The following CDC14A variants were observed in gnomAD, a reference collection of about 807,000 sequenced individuals.
CDC14A encodes the protein cell division cycle 14A, also known as dual specificity protein phosphatase CDC14A.
CDC14A carries 53 observed loss-of-function variants against 74.4 expected under a neutral mutation model. The ratio of observed to expected loss-of-function variants is 0.71; its 90% confidence interval spans 0.57 to 0.89. CDC14A has a LOEUF of 0.89. CDC14A is among the 40% of genes least tolerant of loss of function. CDC14A has a pLI of 0.00. For synonymous variants in CDC14A, 247 were observed against 258.4 expected (o/e 0.96, Z 0.43); for missense variants, 646 against 713.7 (o/e 0.91, Z 1.08).
At chr1:100,419,430 A>G (rs957027911) in intron 4 of CDC14A, among the ~76,000 whole-genome samples, 1 of 152,228 alleles carries the variant, frequency 6.6e-6, no homozygotes, top group African/African-American at 2.4e-5. Context: ...CCAGTAAAAG[A>G]AACATTTTCT....
intron 4 of CDC14A, among the ~76,000 whole-genome samples, chr1:100,422,388 G>C (rs915415043): frequency 3.3e-5 from 5 of 152,204 alleles, no homozygotes; most frequent in Admixed American, 1.3e-4. Context: ...TCCACACACA[G>C]AAGCTTTCTA....
intron 1 of CDC14A, among the ~76,000 whole-genome samples, chr1:100,345,746 A>G (rs1650355577): frequency 6.6e-6 from 1 of 152,212 alleles, no homozygotes; most frequent in Non-Finnish European, 1.5e-5. Flanking sequence ...TAGGCAACCA[A>G]TGTAAGAACT....
intron 2 of CDC14A, among the ~76,000 whole-genome samples, chr1:100,360,215 G>A (rs1418015336): frequency 6.6e-6 from 1 of 150,484 alleles, no homozygotes. Context: ...GCCTCCCAAA[G>A]TGCTAGGATT....
At chr1:100,403,904 A>G (rs570880604) in intron 4 of CDC14A, among the ~76,000 whole-genome samples, 1 of 152,290 alleles carries the variant, frequency 6.6e-6, no homozygotes, top group African/African-American at 2.4e-5. Context: ...AAGTTATATA[A>G]TGTCCCATTC....
At chr1:100,414,615 A>G (rs1351798491) in intron 4 of CDC14A, among the ~76,000 whole-genome samples, 3 of 152,150 alleles carry the variant, frequency 2.0e-5, no homozygotes, top group African/African-American at 7.2e-5. Flanking sequence ...ACCCAGAAGT[A>G]AGCAGTGAAA....
chr1:100,377,602 A>T lies in CDC14A; in HGVS notation c.197A>T (p.Lys66Ile). 6.2e-7 allele frequency: 1 copy of T among 1,612,642 alleles called. No homozygotes were observed. Among genetic ancestry groups the T allele is most frequent in the Non-Finnish European group, 8.5e-7 (1 of 1,178,782 alleles). ...NLAMVYRYCCKLNKKLKSYSL... is the reference protein window; with the variant it reads ...NLAMVYRYCCILNKKLKSYSL... Reference sequence around the variant, plus strand: ...GCAATGGTGTACAGATATTGCTGCAAACTAAACAAGAAACTAAAAGTGAGT... The same window carrying T: ...GCAATGGTGTACAGATATTGCTGCATACTAAACAAGAAACTAAAAGTGAGT... The change falls in exon 3 of 16, where the codon AAA becomes ATA. Residue 66 changes from lysine to isoleucine, a missense_variant. By Grantham distance (102) the Lys-to-Ile change is moderately radical (BLOSUM62 -3). Coordinates refer to ENST00000336454, the MANE Select transcript of CDC14A (RefSeq NM_003672.4).
At chr1:100,440,040 A>G (rs1664756123) in intron 6 of CDC14A, 42 bp downstream of exon 6, 2 of 1,402,518 alleles carry the variant, frequency 1.4e-6, no homozygotes, top group African/African-American at 1.4e-5. Flanking sequence ...CAGTAGTTTA[A>G]AAAAATATGA....
rs1481429390 is a variant in CDC14A at position 100,502,221 on chromosome 1, C to T, written c.1755+2959C>T. On this transcript the variant is annotated intron_variant, in intron 15 of 15. Transcript: ENST00000336454. ...GTAATGTCCTAGGCCTTCATGTTCA[C>T]TCACCACTCACCCACTGACTCACCC... 2.6e-5 allele frequency among the ~76,000 whole-genome samples: 4 copies of T among 152,192 alleles called. No homozygotes were observed. The East Asian group carries it at 7.7e-4, about 29-fold the overall frequency.
intron 5 of CDC14A, among the ~76,000 whole-genome samples, chr1:100,435,941 G>A (rs1664277216): frequency 6.6e-6 from 1 of 152,052 alleles, no homozygotes; most frequent in Admixed American, 6.5e-5. Flanking sequence ...GAAAATTTTG[G>A]TTGGCTTGTT....
chr1:100,351,759 G>A (rs1651034000), upstream of CDC14A: 6 of 1,550,570 alleles, frequency 3.9e-6, no homozygotes, highest in Non-Finnish European at 4.4e-6. Flanking sequence ...AGAACCAGAT[G>A]GGAAACTTTT....
At chr1:100,367,854 A>AG (rs1653874938) in intron 2 of CDC14A, among the ~76,000 whole-genome samples, 1 of 152,172 alleles carries the variant, frequency 6.6e-6, no homozygotes, top group Non-Finnish European at 1.5e-5. Flanking sequence ...TTGCCAAAAG[A>AG]GAGGCATAAC....
chr1:100,422,867 A>T (rs1662526569), intron 4 of CDC14A, among the ~76,000 whole-genome samples: 1 of 152,328 alleles, frequency 6.6e-6, no homozygotes, highest in South Asian at 2.1e-4. Flanking sequence ...GTAAACATGT[A>T]ATATATTCCT....
intron 8 of CDC14A, among the ~76,000 whole-genome samples, chr1:100,459,583 G>A (rs747624890): frequency 1.3e-5 from 2 of 151,996 alleles, no homozygotes; most frequent in Admixed American, 6.6e-5. Context: ...TTCAGTTTTC[G>A]AACTTTAAAA....
Position 100,518,373 on chromosome 1 carries a change from A to G in CDC14A, c.*93A>G. 1.0e-6 allele frequency: 1 copy of G among 972,046 alleles called. No individual in the cohort carries two copies. The highest frequency in any genetic ancestry group is 1.3e-5 in the South Asian group (1 of 76,844). The allele number at this position is 972,046 out of a possible 1,614,324, so 60.2% of individuals were successfully genotyped here. A position where few individuals can be genotyped will look rare whatever the true frequency, so the allele number is the denominator to read the frequency against. On this transcript the variant is annotated 3_prime_UTR_variant, in exon 16 of 16. Transcript: ENST00000336454. ...AGAGGGAAAGCAACTTCTTGCTGGAAGAATATCTCTGCCTTCTTACCTTAA... is the reference window on the plus strand; with the variant it reads ...AGAGGGAAAGCAACTTCTTGCTGGAGGAATATCTCTGCCTTCTTACCTTAA...
chr1:100,409,734 A>C (rs1418208060), intron 4 of CDC14A, among the ~76,000 whole-genome samples: 1 of 152,196 alleles, frequency 6.6e-6, no homozygotes, highest in Non-Finnish European at 1.5e-5. Flanking sequence ...TTGCAGTTGC[A>C]AGGCTTTCAA....
Position 100,450,216 on chromosome 1 carries a change from A to C in CDC14A, c.520-5189A>C, listed in dbSNP as rs145600586. Among the ~76,000 whole-genome samples the C allele has an allele frequency of 8.8e-4, 134 of 152,324 alleles. 1 individual carries two copies. In the East Asian group the frequency reaches 0.013, roughly 14 times the overall value. On this transcript the variant is annotated intron_variant, in intron 7 of 15. Transcript: ENST00000336454. ...TCCTAACAATTGCTCTTTAGCACCTACCTTGAGAAATAGTAAAGTTTGTTA... is the reference window on the plus strand; with the variant it reads ...TCCTAACAATTGCTCTTTAGCACCTCCCTTGAGAAATAGTAAAGTTTGTTA...
intron 15 of CDC14A, among the ~76,000 whole-genome samples, chr1:100,511,647 T>G (rs1323911047): frequency 6.6e-6 from 1 of 152,216 alleles, no homozygotes; most frequent in African/African-American, 2.4e-5. Context: ...GCTAGACATT[T>G]GGAGTCAGCT....
At chr1:100,505,071 A>G (rs975270757) in intron 15 of CDC14A, 2 of 874,610 alleles carry the variant, frequency 2.3e-6, no homozygotes, top group Non-Finnish European at 3.3e-6. Flanking sequence ...TTTTGCAGAC[A>G]TTTCAAAAAG....
intron 5 of CDC14A, among the ~76,000 whole-genome samples, chr1:100,430,011 C>T (rs1295136479): frequency 6.6e-6 from 1 of 151,862 alleles, no homozygotes; most frequent in Non-Finnish European, 1.5e-5. Flanking sequence ...AGGCATGCAC[C>T]ACTGCATCTG....
Sources: allele counts gnomAD v4.1 joint callset (sites outside exome capture counted in the v4.1 genomes callset), GRCh38; gene constraint gnomAD v4.1.1; transcripts MANE v1.5; gene names NCBI Gene and HGNC (gene_info 2026-07-23, HGNC 2026-07-21).